The following GPATCH2 variants were observed in gnomAD, a reference collection of about 807,000 sequenced individuals.
GPATCH2 encodes the protein G patch domain-containing protein 2.
GPATCH2 carries 51 observed loss-of-function variants against 58.0 expected under a neutral mutation model. The observed-to-expected ratio is 0.88, with a 90% CI of 0.70 to 1.11. The LOEUF is 1.11. Among genes scored for constraint, GPATCH2 ranks in the 50% most tolerant of loss-of-function variants. The pLI, the probability that GPATCH2 is intolerant of heterozygous loss-of-function variation, is 0.00. For synonymous variants in GPATCH2, 222 were observed against 218.5 expected (o/e 1.02, Z -0.14); for missense variants, 625 against 652.2 (o/e 0.96, Z 0.45).
At chr1:217,549,770 T>A (rs1465548499) in intron 5 of GPATCH2, among the ~76,000 whole-genome samples, 1 of 152,106 alleles carries the variant, frequency 6.6e-6, no homozygotes, top group East Asian at 1.9e-4. Context: ...GACTTCCTAA[T>A]CAGCAAATCA....
intron 1 of GPATCH2, among the ~76,000 whole-genome samples, chr1:217,626,557 T>C (rs1230512923): frequency 4.6e-5 from 7 of 152,188 alleles, no homozygotes; most frequent in African/African-American, 1.7e-4. Flanking sequence ...AAATGACTAA[T>C]GACTTTATGA....
chr1:217,477,426 C>A (rs567031332), intron 8 of GPATCH2, among the ~76,000 whole-genome samples: 1 of 152,148 alleles, frequency 6.6e-6, no homozygotes, highest in African/African-American at 2.4e-5. Context: ...ATCCTGGGGT[C>A]CCTGATTCCA....
intron 5 of GPATCH2, among the ~76,000 whole-genome samples, chr1:217,575,608 T>C (rs778289194): frequency 6.6e-6 from 1 of 152,126 alleles, no homozygotes; most frequent in Non-Finnish European, 1.5e-5. Flanking sequence ...AACAAATAAA[T>C]GGCAGTACCA....
chr1:217,521,802 A>C (rs1055216165), intron 5 of GPATCH2, among the ~76,000 whole-genome samples: 1 of 152,214 alleles, frequency 6.6e-6, no homozygotes, highest in Non-Finnish European at 1.5e-5. Context: ...TTTAAAAAAA[A>C]AATAGCCAAA....
chr1:217,463,174 G>T (rs1660274512), intron 8 of GPATCH2, among the ~76,000 whole-genome samples: 2 of 152,094 alleles, frequency 1.3e-5, no homozygotes, highest in East Asian at 1.9e-4. Context: ...ATTGGAAATA[G>T]AATAGATTTA....
At chr1:217,468,419 T>C (rs565690339) in intron 8 of GPATCH2, among the ~76,000 whole-genome samples, 2 of 151,990 alleles carry the variant, frequency 1.3e-5, no homozygotes, top group South Asian at 2.1e-4. Flanking sequence ...AAAGACACCA[T>C]GTAGAGAAAA....
intron 8 of GPATCH2, among the ~76,000 whole-genome samples, chr1:217,462,211 C>T (rs545366753): frequency 4.6e-5 from 7 of 152,276 alleles, no homozygotes; most frequent in Admixed American, 4.6e-4. Context: ...CACTACCCTA[C>T]AAAAATTAAC....
At chr1:217,587,712 T>G (rs1308997967) in intron 5 of GPATCH2, among the ~76,000 whole-genome samples, 2 of 152,010 alleles carry the variant, frequency 1.3e-5, no homozygotes, top group Non-Finnish European at 2.9e-5. Context: ...GAGATGCAAA[T>G]TTCACCAACA....
chr1:217,474,882 T>C, intron 8 of GPATCH2, among the ~76,000 whole-genome samples: 1 of 152,184 alleles, frequency 6.6e-6, no homozygotes, highest in East Asian at 1.9e-4. Flanking sequence ...AAAGTCAAGA[T>C]ACTATTAAAA....
intron 5 of GPATCH2, among the ~76,000 whole-genome samples, chr1:217,558,264 AAC>A (rs749044208): frequency 6.6e-6 from 1 of 152,182 alleles, no homozygotes; most frequent in Admixed American, 6.5e-5. Context: ...TTCTGTGTGT[AAC>A]AGAGGTAATA....
intron 5 of GPATCH2, among the ~76,000 whole-genome samples, chr1:217,524,864 G>C (rs1417252210): frequency 1.4e-4 from 1 of 7,396 alleles, no homozygotes; most frequent in East Asian, 0.02. Flanking sequence ...AGGGGAGAGG[G>C]GAGAGGGGAG....
intron 6 of GPATCH2, among the ~76,000 whole-genome samples, chr1:217,514,501 A>C (rs1490284109): frequency 2.6e-5 from 4 of 152,148 alleles, no homozygotes; most frequent in Non-Finnish European, 5.9e-5. Context: ...TGGGATAGAG[A>C]ATAAGGATGG....
chr1:217,584,344 A>AAATATATATAT (rs1463910405), intron 5 of GPATCH2, among the ~76,000 whole-genome samples: 1 of 101,856 alleles, frequency 9.8e-6, no homozygotes, highest in Non-Finnish European at 2.0e-5. Context: ...AAAAAAAAAA[A>AAATATATATAT]ATATATATAT....
chr1:217,430,898 T>C lies in GPATCH2; in HGVS notation c.*247A>G. 1.9e-6 allele frequency: 1 copy of C among 535,250 alleles called. No homozygotes were observed. The highest frequency in any genetic ancestry group is 2.3e-5 in the South Asian group (1 of 43,334). The allele number at this position is 535,250 out of a possible 1,614,324, so 33.2% of individuals were successfully genotyped here. A position where few individuals can be genotyped will look rare whatever the true frequency, so the allele number is the denominator to read the frequency against. The stretch of plus-strand genomic sequence containing the variant: ...AAAATAAATAAGAGAAACGAGCTGC[T>C]CTTTATACCTAGAAATAGCTGGAAA... On this transcript the variant is annotated 3_prime_UTR_variant, in exon 10 of 10. Coordinates refer to ENST00000366935, the MANE Select transcript of GPATCH2 (RefSeq NM_018040.5).
At chr1:217,502,132 A>C (rs1279735796) in intron 6 of GPATCH2, among the ~76,000 whole-genome samples, 3 of 152,084 alleles carry the variant, frequency 2.0e-5, no homozygotes, top group South Asian at 4.1e-4. Context: ...GCTATACAGT[A>C]AGTACTGAAA....
At chr1:217,595,813 G>A (rs1019919491) in intron 5 of GPATCH2, among the ~76,000 whole-genome samples, 3 of 152,022 alleles carry the variant, frequency 2.0e-5, no homozygotes, top group Non-Finnish European at 4.4e-5. Flanking sequence ...CCTTCTTAAT[G>A]TAGGTAACTC....
chr1:217,572,292 G>C (rs1666607032), intron 5 of GPATCH2, among the ~76,000 whole-genome samples: 1 of 152,084 alleles, frequency 6.6e-6, no homozygotes, highest in African/African-American at 2.4e-5. Flanking sequence ...GAGTAGAACT[G>C]GACCAATTAC....
chr1:217,558,101 A>G (rs1043452275), intron 5 of GPATCH2, among the ~76,000 whole-genome samples: 1 of 152,222 alleles, frequency 6.6e-6, no homozygotes, highest in Non-Finnish European at 1.5e-5. Flanking sequence ...ATTATTGTAG[A>G]AAAACCACAT....
chr1:217,567,335 C>T (rs1165067185), intron 5 of GPATCH2, among the ~76,000 whole-genome samples: 3 of 152,198 alleles, frequency 2.0e-5, no homozygotes, highest in African/African-American at 4.8e-5. Flanking sequence ...CATGAGCCAC[C>T]GCACCCAGCC....
Sources: gnomAD v4.1 joint callset for allele counts (sites outside exome capture counted in the v4.1 genomes callset) on GRCh38, gnomAD v4.1.1 for gene constraint, MANE v1.5 for transcripts, NCBI Gene and HGNC (gene_info 2026-07-23, HGNC 2026-07-21) for gene names.